The following ABCA8 variants were observed in gnomAD, a reference collection of about 807,000 sequenced individuals.
The protein encoded by ABCA8 is ATP binding cassette subfamily A member 8, also known as ABC-type organic anion transporter ABCA8.
Under a neutral mutation model 192.3 loss-of-function variants are expected in ABCA8, and 177 were observed. The ratio of observed to expected loss-of-function variants is 0.92; its 90% CI spans 0.81 to 1.04. The LOEUF is 1.04. ABCA8 is among the 50% of genes least tolerant of loss of function. The pLI is 0.00. For missense variants in ABCA8, 1,915 were observed against 1,904.8 expected, an observed-to-expected ratio of 1.01 and a Z score of -0.10; for synonymous variants, 642 against 690.2, an observed-to-expected ratio of 0.93 and a Z score of 1.09.
intron 4 of ABCA8, among the ~76,000 whole-genome samples, chr17:68,939,402 G>A (rs2068162977): frequency 6.6e-6 from 1 of 151,636 alleles, no homozygotes; most frequent in Non-Finnish European, 1.5e-5. Context: ...TCAACAAGTG[G>A]GCAATGAAAA....
chr17:68,868,452 T>C (rs1411269451), intron 38 of ABCA8, 96 bp from the exon 39 acceptor site: 3 of 1,034,100 alleles, frequency 2.9e-6, no homozygotes, highest in African/African-American at 3.2e-5. Context: ...TTAAAAATCT[T>C]AAATAGGTTA....
At position 68,917,165 on chromosome 17, in the gene ABCA8, G is replaced by A. The variant is rs554590965; in HGVS notation, c.2138+196C>T. ...GGGCCCATGTAGTCCCAGCTACTCG[G>A]GAGGCTGAGGCAGGAGAATGGAGTG... On this transcript the variant is annotated intron_variant, in intron 17 of 39. Coordinates refer to ENST00000586539, the MANE Select transcript of ABCA8 (RefSeq NM_001288985.2). Among the ~76,000 whole-genome samples the A allele has an allele frequency of 3.3e-5, 5 of 152,250 alleles. No individual in the cohort carries two copies. In the South Asian group the frequency reaches 1.0e-3, roughly 32 times the overall value.
At chr17:68,888,223 A>T (rs77736118) in intron 24 of ABCA8, among the ~76,000 whole-genome samples, 4,628 of 151,764 alleles carry the variant, frequency 0.03, 241 homozygotes, top group African/African-American at 0.1. Flanking sequence ...ATAAATATAA[A>T]TACATTTACA....
At chr17:68,891,306 C>A (rs1386708574) in intron 24 of ABCA8, among the ~76,000 whole-genome samples, 183 bp downstream of exon 24, 1 of 151,780 alleles carries the variant, frequency 6.6e-6, no homozygotes, top group Admixed American at 6.6e-5. Flanking sequence ...CAGAATAATT[C>A]TCTATTACCT....
Position 68,918,334 on chromosome 17 carries a change from A to T in ABCA8, c.1908+93T>A. 4.0e-6 allele frequency: 6 copies of T among 1,491,270 alleles called. No homozygotes were observed. The South Asian group carries it at 6.4e-5, about 16-fold the overall frequency. The allele number at this position is 1,491,270 out of a possible 1,614,324, so 92.4% of individuals were successfully genotyped here. ...TAATGTTCTATTATGAATATTTTAT[A>T]ACACATGTCCTTTGCGAATAAAATA... is the stretch of plus-strand genomic sequence containing the variant. On this transcript the variant is annotated intron_variant, in intron 15 of 39. Transcript: ENST00000586539.
At chr17:68,880,847 G>A in intron 32 of ABCA8, 1 of 449,434 alleles carries the variant, frequency 2.2e-6, no homozygotes, top group Non-Finnish European at 4.1e-6. Context: ...TGGACAGAAT[G>A]AGCCCAGCGG....
chr17:68,933,796 C>A (rs1284128148), intron 5 of ABCA8, among the ~76,000 whole-genome samples: 1 of 152,002 alleles, frequency 6.6e-6, no homozygotes, highest in Admixed American at 6.6e-5. Flanking sequence ...GCTGTCAGTC[C>A]ATTTAATAGT....
intron 36 of ABCA8, 95 bp downstream of exon 36, chr17:68,875,519 C>A: frequency 6.3e-7 from 1 of 1,588,734 alleles, no homozygotes. Context: ...TGGGCACAGT[C>A]ATTTCAGCTG....
intron 37 of ABCA8, among the ~76,000 whole-genome samples, chr17:68,872,131 T>C (rs915252710): frequency 1.3e-5 from 2 of 151,922 alleles, no homozygotes; most frequent in East Asian, 1.9e-4. Flanking sequence ...CACATGCACA[T>C]GTATGTTTAT....
At chr17:68,891,688 T>C (rs1202889911) in intron 23 of ABCA8, 92 bp from the exon 24 acceptor site, 2 of 912,738 alleles carry the variant, frequency 2.2e-6, no homozygotes, top group East Asian at 2.8e-5. Context: ...TAAGTTTACA[T>C]AATTCTGCCT....
At chr17:68,918,997 A>G (rs1044903753) in intron 14 of ABCA8, among the ~76,000 whole-genome samples, 44 of 151,802 alleles carry the variant, frequency 2.9e-4, no homozygotes, top group African/African-American at 9.4e-4. Context: ...TGAATGTCAC[A>G]CACATTGACT....
intron 12 of ABCA8, among the ~76,000 whole-genome samples, chr17:68,921,849 T>A (rs2067541703): frequency 6.6e-6 from 1 of 152,088 alleles, no homozygotes; most frequent in Non-Finnish European, 1.5e-5. Flanking sequence ...CTAAAACTCC[T>A]TTGAGGTAAG....
chr17:68,885,200 G>T lies in ABCA8; in HGVS notation c.3545C>A (p.Ser1182Tyr). The stretch of plus-strand genomic sequence containing the variant: ...ACAGACTGTGTCATTACTTACATGA[G>T]AAGATAAGAACAAACAGCCAATCAT... ...ATMIGCLFLS[S>Y]HLLFSSLFSE... The change falls in exon 27 of 40, where the codon TCT (serine) becomes TAT (tyrosine). Residue 1182 changes from serine to tyrosine, a missense_variant. Physicochemically the swap from Ser to Tyr is moderately radical, Grantham distance 144 (BLOSUM62 -2). Coordinates refer to ENST00000586539, the MANE Select transcript of ABCA8 (RefSeq NM_001288985.2). 6.2e-7 allele frequency: 1 copy of T among 1,612,468 alleles called. No individual in the cohort carries two copies. The highest frequency in any genetic ancestry group is 8.5e-7 in the Non-Finnish European group (1 of 1,179,340).
intron 19 of ABCA8, 119 bp from the exon 20 acceptor site, chr17:68,903,618 G>T: frequency 1.2e-6 from 1 of 808,178 alleles, no homozygotes. Flanking sequence ...ACGTGGTTTT[G>T]CTGGTTACTG....
chr17:68,954,402 A>C (rs945013418), intron 1 of ABCA8, among the ~76,000 whole-genome samples: 5 of 151,986 alleles, frequency 3.3e-5, no homozygotes, highest in Non-Finnish European at 7.4e-5. Context: ...TATATCTTCC[A>C]TCGTAAAGTA....
chr17:68,889,270 G>A (rs927530057), intron 24 of ABCA8, among the ~76,000 whole-genome samples: 18 of 152,272 alleles, frequency 1.2e-4, no homozygotes, highest in African/African-American at 4.3e-4. Flanking sequence ...CACAAAAATG[G>A]GAGTTGGCCT....
At chr17:68,935,084 C>CT (rs546921061) in intron 5 of ABCA8, among the ~76,000 whole-genome samples, 4,710 of 132,056 alleles carry the variant, frequency 0.036, 187 homozygotes, top group African/African-American at 0.083. Flanking sequence ...ACTTTATCAC[C>CT]TTTTTTTTTT....
chr17:68,938,566 A>C (rs143143298), intron 4 of ABCA8, among the ~76,000 whole-genome samples: 59 of 152,280 alleles, frequency 3.9e-4, no homozygotes, highest in Non-Finnish European at 7.8e-4. Context: ...TCAAATTTTT[A>C]TATTCCTTTA....
intron 37 of ABCA8, among the ~76,000 whole-genome samples, chr17:68,870,515 T>G (rs2066021585): frequency 6.6e-6 from 1 of 152,238 alleles, no homozygotes; most frequent in Non-Finnish European, 1.5e-5. Context: ...GAGTAACTTC[T>G]CATATTCTTC....
Sources: allele counts gnomAD v4.1 joint callset (sites outside exome capture counted in the v4.1 genomes callset), GRCh38; gene constraint gnomAD v4.1.1; transcripts MANE v1.5; gene names NCBI Gene and HGNC (gene_info 2026-07-23, HGNC 2026-07-21).